The following SLC8A1 variants were observed in gnomAD, a reference collection of about 807,000 sequenced individuals.
SLC8A1 encodes the protein sodium/calcium exchanger 1.
Under a neutral mutation model 68.3 loss-of-function variants are expected in SLC8A1, and 18 were observed. That is an observed-to-expected ratio of 0.26 (90% CI 0.18 to 0.39). The LOEUF (loss-of-function observed/expected upper bound fraction) is 0.39, where lower values mean the gene tolerates loss of function less well. SLC8A1 is among the 10% of genes least tolerant of loss of function. The pLI is 1.00. For synonymous variants in SLC8A1, 475 were observed against 415.5 expected (o/e 1.14, Z -1.74); for missense variants, 985 against 1,156.7 (o/e 0.85, Z 2.15).
chr2:40,470,674 A>T (rs559010296), intron 1 of SLC8A1, among the ~76,000 whole-genome samples: 4 of 151,976 alleles, frequency 2.6e-5, no homozygotes, highest in African/African-American at 7.2e-5. Flanking sequence ...AGAAAAAAAT[A>T]AAAGACTATC....
chr2:40,299,918 G>C (rs2071122657), intron 2 of SLC8A1, among the ~76,000 whole-genome samples: 1 of 152,132 alleles, frequency 6.6e-6, no homozygotes, highest in East Asian at 1.9e-4. Flanking sequence ...GCCTCCCTGA[G>C]CCTCCCAAAC....
chr2:40,292,792 T>C (rs1487525465), intron 2 of SLC8A1, among the ~76,000 whole-genome samples: 1 of 151,592 alleles, frequency 6.6e-6, no homozygotes, highest in Non-Finnish European at 1.5e-5. Flanking sequence ...CTTTGAATAG[T>C]GCTAACAGAA....
At chr2:40,390,603 G>A (rs577475806) in intron 2 of SLC8A1, among the ~76,000 whole-genome samples, 1 of 151,452 alleles carries the variant, frequency 6.6e-6, no homozygotes. Context: ...AGGTTATTCT[G>A]ATGCCCCCTC....
intron 2 of SLC8A1, among the ~76,000 whole-genome samples, chr2:40,326,484 G>C (rs1034614825): frequency 6.6e-6 from 1 of 152,156 alleles, no homozygotes; most frequent in African/African-American, 2.4e-5. Context: ...ACATCAGAGA[G>C]TTATCTTACT....
chr2:40,446,988 C>T (rs1366428468), intron 1 of SLC8A1, among the ~76,000 whole-genome samples: 2 of 152,166 alleles, frequency 1.3e-5, no homozygotes, highest in Admixed American at 1.3e-4. Flanking sequence ...GAATCACTAC[C>T]TTGTTTGACT....
chr2:40,219,286 C>T (rs993531734), intron 2 of SLC8A1, among the ~76,000 whole-genome samples: 1 of 152,180 alleles, frequency 6.6e-6, no homozygotes, highest in Admixed American at 6.5e-5. Context: ...AGGCTTTTTA[C>T]ATGGAATTAA....
intron 2 of SLC8A1, among the ~76,000 whole-genome samples, chr2:40,331,920 C>T (rs2076454252): frequency 6.6e-6 from 1 of 151,892 alleles, no homozygotes; most frequent in African/African-American, 2.4e-5. Flanking sequence ...ATATTTTCGT[C>T]TATGATAATT....
In SLC8A1 at chr2:40,232,103, GAGAGGTGGT is replaced by G. The variant is rs2059726267; in HGVS notation, c.1809-54257_1809-54249del. Among the ~76,000 whole-genome samples, 2 of 152,172 alleles carry G rather than the reference GAGAGGTGGT, an allele frequency of 1.3e-5. 1 individual carries two copies. The highest frequency in any genetic ancestry group is 4.1e-4 in the South Asian group (2 of 4,832). Reference sequence around the variant, plus strand: ...GTTCAAAAAATCAAGCAAGGCTTGGGAGAGGTGGTAGATCACTGAAGGTCAAAGCACAAA... The same window carrying G: ...GTTCAAAAAATCAAGCAAGGCTTGGGAGATCACTGAAGGTCAAAGCACAAA... On this transcript the variant is annotated intron_variant, in intron 2 of 7. Coordinates refer to ENST00000406785, the Ensembl canonical transcript of SLC8A1.
chr2:40,453,390 G>C (rs1306154462), upstream of SLC8A1: 5 of 152,114 alleles, frequency 3.3e-5, no homozygotes, highest in Non-Finnish European at 7.3e-5. Context: ...TTTTCGTGGA[G>C]ACGTCCCCCC....
chr2:40,270,272 G>A (rs2065866934), intron 2 of SLC8A1, among the ~76,000 whole-genome samples: 1 of 152,352 alleles, frequency 6.6e-6, no homozygotes, highest in East Asian at 1.9e-4. Context: ...CACTACCAAG[G>A]AGGATGGTGT....
intron 1 of SLC8A1, among the ~76,000 whole-genome samples, chr2:40,504,589 T>A (rs1315379624): frequency 6.6e-6 from 1 of 151,918 alleles, no homozygotes; most frequent in Non-Finnish European, 1.5e-5. Flanking sequence ...CCAGAATATA[T>A]AAGGAGCTCA....
At chr2:40,446,842 T>C (rs960667798) in intron 1 of SLC8A1, among the ~76,000 whole-genome samples, 3 of 152,228 alleles carry the variant, frequency 2.0e-5, no homozygotes, top group African/African-American at 7.2e-5. Context: ...TTCAGACTAG[T>C]CCCTGGCACA....
exon 8 of SLC8A1, chr2:40,115,334 T>A (rs2035116727): frequency 6.2e-7 from 1 of 1,613,980 alleles, no homozygotes; most frequent in South Asian, 1.1e-5. Flanking sequence ...AGAGGCAGGA[T>A]GTGAGGAGCT....
At chr2:40,429,359 G>T in exon 2 of SLC8A1, 1 of 1,613,778 alleles carries the variant, frequency 6.2e-7, no homozygotes, top group Non-Finnish European at 8.5e-7. Flanking sequence ...TCCAGAACCA[G>T]AGCACCATCT....
In SLC8A1 at chr2:40,245,917, C is replaced by T. The variant is rs562084276; in HGVS notation, c.1809-68062G>A. Among the ~76,000 whole-genome samples the T allele has an allele frequency of 5.3e-5, 8 of 152,232 alleles. No homozygotes were observed. The South Asian group carries it at 1.2e-3, about 24-fold the overall frequency. ...TCATGGATGAGGAAACTGATGTTTA[C>T]ATAAGTCAAGGAACTTGACCAAGGT... On this transcript the variant is annotated intron_variant, in intron 2 of 7. Coordinates refer to ENST00000406785, the Ensembl canonical transcript of SLC8A1.
chr2:40,225,804 C>T (rs1454655750), intron 2 of SLC8A1, among the ~76,000 whole-genome samples: 1 of 152,120 alleles, frequency 6.6e-6, no homozygotes, highest in African/African-American at 2.4e-5. Context: ...CACACTTTAC[C>T]TTGGCCTCAC....
At position 40,485,330 on chromosome 2, in the gene SLC8A1, T is replaced by TC. The variant is rs1704893194; in HGVS notation, c.-25+27018dup. Reference sequence around the variant, plus strand: ...AGAACTTCTCCTAACAACAACATTTTCCTACTTATTGGCCAGGTTTATATC... The same window carrying TC: ...AGAACTTCTCCTAACAACAACATTTTCCCTACTTATTGGCCAGGTTTATATC... On this transcript the variant is annotated intron_variant, in intron 1 of 7. Transcript: ENST00000402441. 3.3e-5 allele frequency among the ~76,000 whole-genome samples: 5 copies of TC among 152,338 alleles called. No individual in the cohort carries two copies. In the South Asian group the frequency reaches 1.0e-3, roughly 32 times the overall value.
intron 2 of SLC8A1, among the ~76,000 whole-genome samples, chr2:40,326,378 A>G (rs937643039): frequency 7.2e-5 from 11 of 152,166 alleles, no homozygotes; most frequent in Non-Finnish European, 2.9e-5. Flanking sequence ...GGAAAGATCA[A>G]AAATAGTCAT....
chr2:40,276,333 G>A (rs768615956), intron 2 of SLC8A1, among the ~76,000 whole-genome samples: 2 of 152,200 alleles, frequency 1.3e-5, no homozygotes, highest in Non-Finnish European at 2.9e-5. Flanking sequence ...TATTGTTGAA[G>A]TATGTGGTGA....
Sources: allele counts gnomAD v4.1 joint callset (sites outside exome capture counted in the v4.1 genomes callset), GRCh38; gene constraint gnomAD v4.1.1; transcripts MANE v1.5; gene names NCBI Gene and HGNC (gene_info 2026-07-23, HGNC 2026-07-21).